HPSE2: variants seen among roughly 807,000 people sequenced by gnomAD.
The protein encoded by HPSE2 is heparanase 2 (inactive).
A neutral mutation model predicts 60.5 loss-of-function variants in HPSE2; 38 were observed. The observed-to-expected ratio is 0.63, with a 90% confidence interval of 0.48 to 0.82. The LOEUF is 0.82. HPSE2 is among the 40% of genes least tolerant of loss of function. HPSE2 has a pLI of 0.00. For synonymous variants in HPSE2, 295 were observed against 293.2 expected, an observed-to-expected ratio of 1.01 and a Z score of -0.06; for missense variants, 713 against 740.4, an observed-to-expected ratio of 0.96 and a Z score of 0.43.
At chr10:99,213,398 T>A (rs1250908156) in intron 2 of HPSE2, among the ~76,000 whole-genome samples, 2 of 152,112 alleles carry the variant, frequency 1.3e-5, no homozygotes, top group Non-Finnish European at 1.5e-5. Flanking sequence ...CCTCTGGCCA[T>A]AGGTTCCATC....
intron 3 of HPSE2, among the ~76,000 whole-genome samples, chr10:99,143,202 G>A (rs1417826558): frequency 1.3e-5 from 2 of 152,090 alleles, no homozygotes; most frequent in Admixed American, 6.5e-5. Flanking sequence ...GCTCACCAAA[G>A]CCACATTTAA....
At chr10:99,288,895 T>C in the HPSE2 span, among the ~76,000 whole-genome samples, 1 of 151,954 alleles carries the variant, frequency 6.6e-6, no homozygotes, top group South Asian at 2.1e-4. Context: ...GAAAATAAAA[T>C]TTGTGTAAGA....
chr10:99,296,787 C>T, the HPSE2 span, among the ~76,000 whole-genome samples: 3 of 152,116 alleles, frequency 2.0e-5, no homozygotes, highest in African/African-American at 7.2e-5. Flanking sequence ...AGGTGGCAGT[C>T]GGCCAGTGAC....
chr10:99,271,551 G>A, the HPSE2 span, among the ~76,000 whole-genome samples: 1 of 152,182 alleles, frequency 6.6e-6, no homozygotes, highest in African/African-American at 2.4e-5. Context: ...AATCAATATT[G>A]TGAAAATCAT....
chr10:98,912,480 G>A (rs1400616033), intron 3 of HPSE2, among the ~76,000 whole-genome samples: 1 of 152,180 alleles, frequency 6.6e-6, no homozygotes, highest in East Asian at 1.9e-4. Context: ...ATATCAAAGA[G>A]CTATCTGCAC....
At chr10:99,188,202 A>C (rs1188898672) in intron 2 of HPSE2, among the ~76,000 whole-genome samples, 1 of 152,218 alleles carries the variant, frequency 6.6e-6, no homozygotes, top group Non-Finnish European at 1.5e-5. Context: ...ACATTGATGA[A>C]TCCCCAAAAC....
chr10:98,838,712 G>A (rs767030260), intron 3 of HPSE2, among the ~76,000 whole-genome samples: 1 of 151,832 alleles, frequency 6.6e-6, no homozygotes, highest in Non-Finnish European at 1.5e-5. Flanking sequence ...GATTACAGGC[G>A]TAAGCCACTA....
At chr10:99,146,216 T>A (rs936612086) in intron 2 of HPSE2, among the ~76,000 whole-genome samples, 8 of 152,200 alleles carry the variant, frequency 5.3e-5, no homozygotes, top group Non-Finnish European at 1.0e-4. Context: ...TCTCATTGGA[T>A]CCTTCCAAAA....
At chr10:98,476,270 C>A (rs1199507907) in intron 11 of HPSE2, among the ~76,000 whole-genome samples, 1 of 137,046 alleles carries the variant, frequency 7.3e-6, no homozygotes, top group Non-Finnish European at 1.5e-5. Flanking sequence ...GGGAATTGAA[C>A]AATGAGAACA....
intron 3 of HPSE2, among the ~76,000 whole-genome samples, chr10:99,051,221 T>C (rs1195311526): frequency 6.6e-6 from 1 of 152,230 alleles, no homozygotes; most frequent in East Asian, 1.9e-4. Flanking sequence ...AGGCAGTGAT[T>C]GCAGTGAGCC....
intron 3 of HPSE2, among the ~76,000 whole-genome samples, chr10:98,866,377 C>T (rs939432811): frequency 6.6e-6 from 1 of 151,918 alleles, no homozygotes; most frequent in African/African-American, 2.4e-5. Flanking sequence ...AGCTCTGGGA[C>T]AACTTCAAGT....
rs1414831364 is a variant in HPSE2 at position 99,118,913 on chromosome 10, A to G, written c.610+25325T>C. ...GCACCTGTATTCCCAGCTACTTGGG[A>G]GATGAGGCAGGAGACTCACTGGAAC... On this transcript the variant is annotated intron_variant, in intron 3 of 11. Coordinates refer to ENST00000370552, the MANE Select transcript of HPSE2 (RefSeq NM_021828.5). Among the ~76,000 whole-genome samples the G allele has an allele frequency of 2.6e-5, 4 of 151,740 alleles. No homozygotes were observed. In the East Asian group the frequency reaches 7.8e-4, roughly 30 times the overall value.
intron 3 of HPSE2, among the ~76,000 whole-genome samples, chr10:98,870,725 C>T (rs958426928): frequency 5.3e-5 from 8 of 152,134 alleles, no homozygotes; most frequent in Non-Finnish European, 7.4e-5. Context: ...ATTCTACCTA[C>T]TTTGAAAAAT....
At chr10:99,186,336 A>G (rs1848022375) in intron 2 of HPSE2, among the ~76,000 whole-genome samples, 1 of 152,124 alleles carries the variant, frequency 6.6e-6, no homozygotes, top group East Asian at 1.9e-4. Flanking sequence ...CAAGGTCAGG[A>G]GTTCGAGACC....
chr10:99,203,375 C>A (rs1211300101), intron 2 of HPSE2, among the ~76,000 whole-genome samples: 5 of 152,096 alleles, frequency 3.3e-5, no homozygotes. Flanking sequence ...GCCCACCAAA[C>A]ACCTGGCCAG....
rs189790932 is a variant in HPSE2, at chr10:98,690,506, C to T, written c.1004+3394G>A. ...AGTGAGCCAAGATCGTGCCATTGCA[C>T]TCCAGCCTGGGTGACAGAGCGAGAC... is the stretch of plus-strand genomic sequence containing the variant. On this transcript the variant is annotated intron_variant, in intron 6 of 11. Coordinates refer to ENST00000370552, the MANE Select transcript of HPSE2 (RefSeq NM_021828.5). Among the ~76,000 whole-genome samples, 1,193 of 152,224 alleles carry T rather than the reference C, an allele frequency of 7.8e-3. 5 individuals carry two copies. The highest frequency in any genetic ancestry group is 0.013 in the Non-Finnish European group (917 of 68,022).
At chr10:99,289,312 T>C in the HPSE2 span, among the ~76,000 whole-genome samples, 13 of 152,112 alleles carry the variant, frequency 8.5e-5, no homozygotes. Context: ...AAATATTATT[T>C]CTAATATTAG....
At chr10:99,130,032 A>G (rs1380429451) in intron 3 of HPSE2, among the ~76,000 whole-genome samples, 1 of 152,158 alleles carries the variant, frequency 6.6e-6, no homozygotes, top group African/African-American at 2.4e-5. Flanking sequence ...AATTTACAGG[A>G]CATGGATAAA....
intron 9 of HPSE2, among the ~76,000 whole-genome samples, chr10:98,600,530 T>A (rs1945366827): frequency 6.6e-6 from 1 of 152,056 alleles, no homozygotes; most frequent in Non-Finnish European, 1.5e-5. Context: ...GTATAGAGAT[T>A]ACCAAAAACA....
Sources: gnomAD v4.1 joint callset for allele counts (sites outside exome capture counted in the v4.1 genomes callset) on GRCh38, gnomAD v4.1.1 for gene constraint, MANE v1.5 for transcripts, NCBI Gene and HGNC (gene_info 2026-07-23, HGNC 2026-07-21) for gene names.